Variants in ERBB4 observed in about 807,000 individuals in gnomAD.
ERBB4 encodes receptor tyrosine-protein kinase erbB-4.
A neutral mutation model predicts 158.0 loss-of-function variants in ERBB4; 42 were observed. That is an observed-to-expected ratio of 0.27 (90% CI 0.21 to 0.34). The LOEUF is 0.34. Ranked by LOEUF, ERBB4 falls within the 10% of genes least tolerant of loss-of-function variation. The probability of loss-of-function intolerance (pLI) is 1.00; values close to 1 mark genes in which losing one functional copy is unlikely to be tolerated. For missense variants in ERBB4, 1,333 were observed against 1,624.1 expected (o/e 0.82, Z 3.08); for synonymous variants, 583 against 558.7 (o/e 1.04, Z -0.61).
At chr2:212,496,267 G>T (rs1296047300) in intron 1 of ERBB4, among the ~76,000 whole-genome samples, 1 of 149,144 alleles carries the variant, frequency 6.7e-6, no homozygotes, top group Non-Finnish European at 1.5e-5. Context: ...TATATCGATT[G>T]TTGATTGACC....
At chr2:212,148,249 G>A (rs2125621988) in intron 1 of ERBB4, among the ~76,000 whole-genome samples, 1 of 151,650 alleles carries the variant, frequency 6.6e-6, no homozygotes, top group East Asian at 1.9e-4. Flanking sequence ...TTTATGCAAT[G>A]AATATAGACT....
intron 25 of ERBB4, among the ~76,000 whole-genome samples, chr2:211,400,997 C>T (rs1476549776): frequency 6.6e-6 from 1 of 151,870 alleles, no homozygotes; most frequent in Non-Finnish European, 1.5e-5. Context: ...CTGTCACTGA[C>T]ATAAGTAAAA....
chr2:211,569,318 A>C (rs563681454), intron 19 of ERBB4, among the ~76,000 whole-genome samples: 3 of 152,070 alleles, frequency 2.0e-5, no homozygotes, highest in Non-Finnish European at 4.4e-5. Context: ...CATCTTTATG[A>C]TATTTTTTAT....
chr2:211,788,022 T>C lies in ERBB4; in HGVS notation c.556+3A>G. The C allele has an allele frequency of 6.2e-7, 1 of 1,613,404 alleles. No homozygotes were observed. The highest frequency in any genetic ancestry group is 8.5e-7 in the Non-Finnish European group (1 of 1,179,442). On this transcript the variant is annotated splice_donor_region_variant and intron_variant, in intron 4 of 27. Transcript: ENST00000342788. The stretch of plus-strand genomic sequence containing the variant: ...AGAAATTAAAAAGAATAATTCTACT[T>C]ACATCCTGAACTACCATTTGTTGAC...
intron 2 of ERBB4, among the ~76,000 whole-genome samples, chr2:212,015,134 C>T (rs1218006686): frequency 1.5e-4 from 20 of 131,862 alleles, no homozygotes; most frequent in African/African-American, 5.9e-4. Context: ...GGCATGGTGG[C>T]GGGTGCCTGT....
At chr2:211,699,096 T>C (rs529248436) in intron 12 of ERBB4, among the ~76,000 whole-genome samples, 30 of 152,310 alleles carry the variant, frequency 2.0e-4, no homozygotes, top group Admixed American at 4.6e-4. Context: ...AAATGAAGGA[T>C]TGCCTTTTCA....
At chr2:211,711,796 T>C (rs756870896) in intron 9 of ERBB4, among the ~76,000 whole-genome samples, 1 of 152,168 alleles carries the variant, frequency 6.6e-6, no homozygotes, top group Non-Finnish European at 1.5e-5. Flanking sequence ...TTGAGGAGGA[T>C]GTCCTAAAAT....
At chr2:212,510,967 A>G (rs1691485247) in intron 1 of ERBB4, among the ~76,000 whole-genome samples, 1 of 152,136 alleles carries the variant, frequency 6.6e-6, no homozygotes, top group East Asian at 1.9e-4. Flanking sequence ...TATAATAACA[A>G]AATACTAATA....
intron 1 of ERBB4, among the ~76,000 whole-genome samples, chr2:212,444,259 T>C (rs2092308181): frequency 6.6e-6 from 1 of 152,182 alleles, no homozygotes. Context: ...CTACAGCTCC[T>C]TTCTAGGATA....
At chr2:212,252,782 A>G (rs1178888715) in intron 1 of ERBB4, among the ~76,000 whole-genome samples, 2 of 152,140 alleles carry the variant, frequency 1.3e-5, no homozygotes, top group African/African-American at 4.8e-5. Context: ...ATATAGAGTC[A>G]CAGATGCTAT....
At chr2:211,585,148 C>T (rs191536262) in intron 19 of ERBB4, among the ~76,000 whole-genome samples, 10 of 151,928 alleles carry the variant, frequency 6.6e-5, no homozygotes, top group African/African-American at 1.9e-4. Context: ...GTCAGGAGAT[C>T]GAGACCATCC....
chr2:211,777,520 T>A (rs202071823), intron 4 of ERBB4: 1 of 152,182 alleles, frequency 6.6e-6, no homozygotes, highest in East Asian at 1.9e-4. Context: ...ATCTCATGCC[T>A]GAAAGAAATT....
chr2:211,722,707 T>C (rs906907886), intron 6 of ERBB4, among the ~76,000 whole-genome samples, 173 bp from the exon 7 acceptor site: 4 of 152,258 alleles, frequency 2.6e-5, no homozygotes, highest in African/African-American at 9.6e-5. Context: ...TTTTTTCCAG[T>C]ATCAGTAAAT....
At chr2:211,388,460 T>C (rs962665749) in intron 25 of ERBB4, among the ~76,000 whole-genome samples, 15 of 152,218 alleles carry the variant, frequency 9.9e-5, no homozygotes, top group Admixed American at 9.2e-4. Context: ...CCTGGACTAA[T>C]TTTTGCTATC....
chr2:211,667,624 G>C (rs2071680643), intron 14 of ERBB4, among the ~76,000 whole-genome samples: 1 of 152,132 alleles, frequency 6.6e-6, no homozygotes, highest in African/African-American at 2.4e-5. Flanking sequence ...GTGCAAGTAT[G>C]CTCAGTACCA....
chr2:212,054,182 T>G (rs1450836283), intron 2 of ERBB4, among the ~76,000 whole-genome samples: 1 of 152,088 alleles, frequency 6.6e-6, no homozygotes, highest in East Asian at 1.9e-4. Context: ...GGGAGTTTAT[T>G]ATATGACCTA....
At chr2:211,926,937 G>A (rs868456345) in intron 3 of ERBB4, among the ~76,000 whole-genome samples, 2 of 152,132 alleles carry the variant, frequency 1.3e-5, no homozygotes, top group South Asian at 4.1e-4. Context: ...TAGTCAATGT[G>A]ATATTAATCT....
intron 2 of ERBB4, among the ~76,000 whole-genome samples, chr2:212,033,974 T>A (rs186629086): frequency 3.2e-4 from 49 of 152,068 alleles, no homozygotes; most frequent in Admixed American, 7.2e-4. Context: ...TCATTATGCT[T>A]CCTCATTTAA....
At chr2:212,054,095 G>A (rs997694540) in intron 2 of ERBB4, among the ~76,000 whole-genome samples, 1 of 152,144 alleles carries the variant, frequency 6.6e-6, no homozygotes, top group Non-Finnish European at 1.5e-5. Context: ...CCACAGGGAA[G>A]AGTATTGCAC....
Sources: allele counts gnomAD v4.1 joint callset (sites outside exome capture counted in the v4.1 genomes callset), GRCh38; gene constraint gnomAD v4.1.1; transcripts MANE v1.5; gene names NCBI Gene and HGNC (gene_info 2026-07-23, HGNC 2026-07-21).